The following DONSON variants were observed in gnomAD, a reference collection of about 807,000 sequenced individuals.
DONSON encodes the protein protein downstream neighbor of Son.
In DONSON, 43 loss-of-function variants were observed where a neutral mutation model predicts 62.1. The ratio of observed to expected loss-of-function variants is 0.69; its 90% CI spans 0.54 to 0.89. DONSON has a LOEUF of 0.89. DONSON is among the 40% of genes least tolerant of loss of function. The pLI, the probability that DONSON is intolerant of heterozygous loss-of-function variation, is 0.00. For synonymous variants in DONSON, 266 were observed against 264.6 expected, an observed-to-expected ratio of 1.01 and a Z score of -0.05; for missense variants, 696 against 697.5, an observed-to-expected ratio of 1.00 and a Z score of 0.03.
rs745338504 is a variant in DONSON, at chr21:33,584,670, A to G, written c.705T>C (p.Ile235=). 6.2e-7 allele frequency: 1 copy of G among 1,613,402 alleles called. No individual in the cohort carries two copies. The highest frequency in any genetic ancestry group is 1.1e-5 in the South Asian group (1 of 90,986). ...ALSWLPLFPR[I]GADRKMAGKT... ...TTCCAGCCATTTTTCTATCAGCTCC[A>G]ATACGAGGGAACAGTGGTAGCCAAG... Residue 235 remains isoleucine (I), a synonymous_variant, in exon 4 of 10, where the codon ATT becomes ATC. Transcript: ENST00000303071.
At position 33,579,577 on chromosome 21, in the gene DONSON, A is replaced by G; in HGVS notation, c.1351-15T>C. 1.2e-6 allele frequency: 2 copies of G among 1,604,734 alleles called. No homozygotes were observed. The highest frequency in any genetic ancestry group is 1.7e-6 in the Non-Finnish European group (2 of 1,173,320). On this transcript the variant is annotated splice_polypyrimidine_tract_variant and intron_variant, in intron 8 of 9. Coordinates refer to ENST00000303071, the MANE Select transcript of DONSON (RefSeq NM_017613.4). ...ACACTCCGTGCCTTCATGAAAATGTAAAGAAAAGGAAAATTAAGATCATCT... is the reference window on the plus strand; with the variant it reads ...ACACTCCGTGCCTTCATGAAAATGTGAAGAAAAGGAAAATTAAGATCATCT...
chr21:33,580,239 G>GATGAATGAATGA (rs3989180), intron 8 of DONSON, among the ~76,000 whole-genome samples: 90 of 146,398 alleles, frequency 6.1e-4, no homozygotes, highest in Middle Eastern at 3.5e-3. Flanking sequence ...TAAATAGATA[G>GATGAATGAATGA]ATGAATGAAT....
At chr21:33,581,219 TAGG>T (rs920368171) in intron 8 of DONSON, 80 bp downstream of exon 8, 31 of 1,320,108 alleles carry the variant, frequency 2.3e-5, no homozygotes, top group Admixed American at 1.1e-4. Context: ...GTAAAAATGC[TAGG>T]AGGTTTTTTT....
In DONSON at chr21:33,579,445, AT is replaced by A; in HGVS notation, c.1467del (p.Lys489AsnfsTer69). ...HSLHSLTMLL[K>X]SSQSGSFSAV... The stretch of plus-strand genomic sequence containing the variant: ...GCAGAGAAAGATCCACTCTGTGAAG[AT>A]TTGAGCAGCATGGTCAGTGAATGCA... On this transcript the variant is annotated frameshift_variant, in exon 9 of 10. Transcript: ENST00000303071. LOFTEE classifies it high-confidence loss of function. The A allele has an allele frequency of 6.2e-7, 1 of 1,614,226 alleles. No homozygotes were observed.
At position 33,577,701 on chromosome 21, in the gene DONSON, A is replaced by ACC. The variant is rs3221082; in HGVS notation, c.*604_*605dup. 8.5e-4 allele frequency: 113 copies of ACC among 132,870 alleles called. 3 individuals are homozygous for ACC. The highest frequency in any genetic ancestry group is 1.1e-3 in the Admixed American group (14 of 12,870). The allele number at this position is 132,870 out of a possible 1,614,324, so 8.2% of individuals were successfully genotyped here. ...CACACACACACACACACACACACAC[A>ACC]CCCCTATAAGCACATTAAATACTAC... On this transcript the variant is annotated 3_prime_UTR_variant, in exon 10 of 10. Coordinates refer to ENST00000303071, the MANE Select transcript of DONSON (RefSeq NM_017613.4).
rs145111026 is a variant in DONSON at position 33,581,388 on chromosome 21, C to G, written c.1264G>C (p.Val422Leu). ...LNFLINSKSLVATSGPQAGLP... is the reference protein window; with the variant it reads ...LNFLINSKSLLATSGPQAGLP... ...CCTGCCTGTGGACCTGAGGTAGCAA[C>G]TAAACTCTTAGAGTTAATCAAAAAA... Residue 422 changes from valine (V) to leucine (L), a missense_variant, in exon 8 of 10, where the codon GTT becomes CTT. By Grantham distance (32) the Val-to-Leu change is conservative. Transcript: ENST00000303071. 1.9e-6 allele frequency: 3 copies of G among 1,614,104 alleles called. No individual in the cohort carries two copies. Among genetic ancestry groups the G allele is most frequent in the Non-Finnish European group, 2.5e-6 (3 of 1,180,020 alleles).
At chr21:33,578,944 C>A (rs1195107885) in intron 9 of DONSON, among the ~76,000 whole-genome samples, 1 of 152,108 alleles carries the variant, frequency 6.6e-6, no homozygotes, top group African/African-American at 2.4e-5. Context: ...CAAGACCAGC[C>A]TGGCCAACAT....
intron 5 of DONSON, among the ~76,000 whole-genome samples, chr21:33,582,953 G>A (rs541539137): frequency 1.4e-4 from 22 of 152,038 alleles, no homozygotes; most frequent in Non-Finnish European, 2.5e-4. Context: ...TGTAAGCCCA[G>A]CACTTTGGGA....
At chr21:33,579,661 CTT>C (rs1426911366) in intron 8 of DONSON, 99 bp from the exon 9 acceptor site, 2 of 906,792 alleles carry the variant, frequency 2.2e-6, no homozygotes, top group Non-Finnish European at 3.3e-6. Context: ...GGTTTCCTCT[CTT>C]TTAACAATTA....
chr21:33,578,409 C>G lies in DONSON; in HGVS notation c.1599G>C (p.Leu533Phe). ...VVHKELTNCGLHPNTLEQLSQ... is the reference protein window; with the variant it reads ...VVHKELTNCGFHPNTLEQLSQ... ...TAAGTTGCTCCAGAGTGTTAGGGTG[C>G]AAACCACAGTTAGTAAGCTCCTTAT... Residue 533 changes from leucine to phenylalanine, a missense_variant, in exon 10 of 10, where the codon TTG (leucine) becomes TTC (phenylalanine). Physicochemically the swap from Leu to Phe is conservative, Grantham distance 22. Transcript: ENST00000303071. 6.2e-7 allele frequency: 1 copy of G among 1,613,726 alleles called. No homozygotes were observed. Among genetic ancestry groups the G allele is most frequent in the African/African-American group, 1.3e-5 (1 of 75,032 alleles).
chr21:33,579,684 C>G (rs938034835), intron 8 of DONSON, 122 bp from the exon 9 acceptor site: 2 of 746,806 alleles, frequency 2.7e-6, no homozygotes, highest in African/African-American at 1.8e-5. Flanking sequence ...TGGAATAAAA[C>G]TATTTCCCAA....
At position 33,577,678 on chromosome 21, in the gene DONSON, CACACACACACA is replaced by C. The variant is rs1569073145; in HGVS notation, c.*618_*628del. Reference sequence around the variant, plus strand: ...ACACACACACACACACACACACACACACACACACACACACACACACACACCCCTATAAGCAC... The same window carrying C: ...ACACACACACACACACACACACACACCACACACACACACCCCTATAAGCAC... On this transcript the variant is annotated 3_prime_UTR_variant, in exon 10 of 10. Coordinates refer to ENST00000303071, the MANE Select transcript of DONSON (RefSeq NM_017613.4). 2.1e-4 allele frequency: 22 copies of C among 103,578 alleles called. No homozygotes were observed. Among genetic ancestry groups the C allele is most frequent in the African/African-American group, 8.1e-4 (18 of 22,298 alleles). The allele number at this position is 103,578 out of a possible 1,614,324, so 6.4% of individuals were successfully genotyped here. A position where few individuals can be genotyped will look rare whatever the true frequency, so the allele number is the denominator to read the frequency against.
In DONSON at chr21:33,586,640, T is replaced by C. The variant is rs1332986475; in HGVS notation, c.403-459A>G. 3.3e-5 allele frequency among the ~76,000 whole-genome samples: 5 copies of C among 152,284 alleles called. No individual in the cohort carries two copies. In the South Asian group the frequency reaches 8.3e-4, roughly 25 times the overall value. ...CGTTCTCCACAATACAAGAATTTTT[T>C]TTTTTTTAAATTGAGACGGAGTCTC... On this transcript the variant is annotated intron_variant, in intron 2 of 9. Coordinates refer to ENST00000303071, the MANE Select transcript of DONSON (RefSeq NM_017613.4).
chr21:33,582,125 A>G (rs755714861), intron 6 of DONSON, 40 bp downstream of exon 6: 6 of 1,611,976 alleles, frequency 3.7e-6, no homozygotes, highest in Middle Eastern at 1.7e-4. Flanking sequence ...TCATGAGTCC[A>G]TAAGTCAGTG....
chr21:33,581,861 A>AT, intron 7 of DONSON, 90 bp downstream of exon 7: 2 of 1,149,498 alleles, frequency 1.7e-6, no homozygotes, highest in Non-Finnish European at 2.6e-6. Flanking sequence ...ATAATTTAAG[A>AT]TTATAATCAT....
At chr21:33,582,366 A>G (rs1254510971) in intron 5 of DONSON, 120 bp from the exon 6 acceptor site, 21 of 748,954 alleles carry the variant, frequency 2.8e-5, no homozygotes, top group Non-Finnish European at 4.1e-5. Flanking sequence ...TTAAGGCAGT[A>G]GAGTTTTCAA....
chr21:33,587,910 C>G (rs949942600), intron 1 of DONSON, among the ~76,000 whole-genome samples: 3 of 152,198 alleles, frequency 2.0e-5, no homozygotes, highest in South Asian at 2.1e-4. Flanking sequence ...ATTTGGAGTG[C>G]GTGAGAGAAG....
intron 2 of DONSON, among the ~76,000 whole-genome samples, chr21:33,586,448 T>C (rs2086578612): frequency 6.6e-6 from 1 of 152,166 alleles, no homozygotes; most frequent in Non-Finnish European, 1.5e-5. Flanking sequence ...TTTACAGTTC[T>C]TTATGGTAGT....
chr21:33,585,387 ATT>A (rs773327167), intron 3 of DONSON, among the ~76,000 whole-genome samples: 2 of 109,812 alleles, frequency 1.8e-5, no homozygotes, highest in African/African-American at 3.5e-5. Flanking sequence ...TGCTCAGCTA[ATT>A]TTTTTTTTTT....
Sources: allele counts gnomAD v4.1 joint callset (sites outside exome capture counted in the v4.1 genomes callset), GRCh38; gene constraint gnomAD v4.1.1; transcripts MANE v1.5; gene names NCBI Gene and HGNC (gene_info 2026-07-23, HGNC 2026-07-21).